Variants in INF2 observed in about 807,000 individuals in gnomAD.
The protein encoded by INF2 is inverted formin-2.
A neutral mutation model predicts 123.5 loss-of-function variants in INF2; 43 were observed. The ratio of observed to expected loss-of-function variants is 0.35; its 90% CI spans 0.27 to 0.45. The LOEUF (loss-of-function observed/expected upper bound fraction) is 0.45, where lower values mean the gene tolerates loss of function less well. INF2 is among the 20% of genes least tolerant of loss of function. The pLI is 1.00. For missense variants in INF2, 1,453 were observed against 1,682.7 expected, an observed-to-expected ratio of 0.86 and a Z score of 2.39; for synonymous variants, 851 against 745.0, an observed-to-expected ratio of 1.14 and a Z score of -2.32.
rs199612826 is a variant in INF2, at chr14:104,708,418, C to T, written c.1736-18C>T. 675 of 1,610,398 alleles carry T rather than the reference C, an allele frequency of 4.2e-4. 7 individuals are homozygous for T. In the Admixed American group the frequency reaches 5.2e-3, roughly 12 times the overall value. ...CCGGGGCTGCGAGAGCCTCACTGGC[C>T]GTGTCCCCACCCGACAGAGCACAAC... On this transcript the variant is annotated intron_variant, in intron 8 of 22. Transcript: ENST00000392634.
chr14:104,710,581 C>A (rs1426168656), intron 13 of INF2: 1 of 502,594 alleles, frequency 2.0e-6, no homozygotes, highest in Non-Finnish European at 3.6e-6. Context: ...CACACGTACA[C>A]ACCCCCCCAA....
At position 104,703,472 on chromosome 14, in the gene INF2, G is replaced by T; in HGVS notation, c.667+18G>T. 6.2e-7 allele frequency: 1 copy of T among 1,609,762 alleles called. No individual in the cohort carries two copies. ...GTTTATCGGTAAGCACCTGCCCTGG[G>T]CCGCATGCCCGCTCCTGCCCGCCTC... On this transcript the variant is annotated intron_variant, in intron 4 of 22. Transcript: ENST00000392634.
rs538278645 is a variant in INF2, at chr14:104,682,071, A to G, written c.-104+489A>G. ...AGCAGCCTGTGCGGCGGCATGGGAA[A>G]GACCCCAGTGCCTGGCGAGGAATTG... On this transcript the variant is annotated intron_variant, in intron 1 of 2. Coordinates refer to the INF2 transcript ENST00000674723. 4.6e-5 allele frequency among the ~76,000 whole-genome samples: 7 copies of G among 152,330 alleles called. No homozygotes were observed. In the East Asian group the frequency reaches 1.4e-3, roughly 29 times the overall value.
At chr14:104,708,386 C>T (rs577006285) in intron 8 of INF2, 50 bp from the exon 9 acceptor site, 2 of 1,601,010 alleles carry the variant, frequency 1.2e-6, no homozygotes, top group African/African-American at 2.7e-5. Context: ...TGCTGGATCG[C>T]CAGGCCCCGG....
In INF2 at chr14:104,710,265, C is replaced by T. The variant is rs1889982543; in HGVS notation, c.2239+77C>T. ...GGGGCGGGAGGGCTGCTCGGGGCCC[C>T]TGCTACTGCCAGTATCATAATGGCT... On this transcript the variant is annotated intron_variant, in intron 13 of 22. Coordinates refer to ENST00000392634, the MANE Select transcript of INF2 (RefSeq NM_022489.4). 1.5e-5 allele frequency: 15 copies of T among 1,011,602 alleles called. No individual in the cohort carries two copies. The East Asian group carries it at 2.4e-4, about 16-fold the overall frequency. 62.7% of individuals were successfully genotyped at this position (1,011,602 alleles called of 1,614,324 possible).
chr14:104,698,332 CA>C (rs1444590264), intron 1 of INF2, among the ~76,000 whole-genome samples: 6 of 152,346 alleles, frequency 3.9e-5, no homozygotes, highest in African/African-American at 1.4e-4. Context: ...AAGTGGACAC[CA>C]CCCCCCAGTG....
exon 1 of INF2, chr14:104,681,562 CA>C (rs1421265206): frequency 1.6e-6 from 2 of 1,288,914 alleles, no homozygotes; most frequent in Admixed American, 4.6e-5. Context: ...ATTTCCACTT[CA>C]ATTGGAAAAT....
intron 22 of INF2, among the ~76,000 whole-genome samples, chr14:104,718,365 C>A (rs997813470): frequency 6.6e-6 from 1 of 152,212 alleles, no homozygotes; most frequent in African/African-American, 2.4e-5. Flanking sequence ...GCTGAGCGCC[C>A]TCAGCAGCCC....
chr14:104,715,257 G>A (rs1286316397), intron 21 of INF2, 27 bp from the exon 22 acceptor site: 2 of 1,611,856 alleles, frequency 1.2e-6, no homozygotes, highest in Admixed American at 3.3e-5. Context: ...ATAAGCCGTT[G>A]AGTGCGTTTC....
At chr14:104,710,830 G>A in intron 13 of INF2, 107 bp from the exon 14 acceptor site, 1 of 930,636 alleles carries the variant, frequency 1.1e-6, no homozygotes, top group South Asian at 1.6e-5. Flanking sequence ...AGCCTGGGGA[G>A]GAGCCAGGGA....
chr14:104,685,234 C>A (rs1026261967), upstream of INF2, among the ~76,000 whole-genome samples: 1 of 152,204 alleles, frequency 6.6e-6, no homozygotes, highest in African/African-American at 2.4e-5. Context: ...CTTCTAAGAG[C>A]AGCAGCCTGG....
intron 21 of INF2, 70 bp downstream of exon 21, chr14:104,714,926 C>T (rs1890223324): frequency 7.1e-7 from 1 of 1,418,348 alleles, no homozygotes; most frequent in Non-Finnish European, 9.3e-7. Context: ...CCCTCCCCTT[C>T]CCCATTGGGC....
intron 8 of INF2, 127 bp downstream of exon 8, chr14:104,708,129 G>T: frequency 9.6e-6 from 14 of 1,459,818 alleles, no homozygotes; most frequent in Non-Finnish European, 1.3e-5. Flanking sequence ...GGGCAGCCTG[G>T]CCCTTGCTCT....
intron 22 of INF2, 126 bp downstream of exon 22, chr14:104,715,466 G>A (rs1890256107): frequency 1.1e-6 from 1 of 913,158 alleles, no homozygotes; most frequent in Non-Finnish European, 1.8e-6. Context: ...GTGCGTCAGT[G>A]TGGCCTTGCC....
intron 4 of INF2, 47 bp downstream of exon 4, chr14:104,703,501 G>C (rs758945278): frequency 2.9e-5 from 46 of 1,601,914 alleles, no homozygotes; most frequent in Middle Eastern, 2.1e-4. Flanking sequence ...CCGCCTCTTG[G>C]CCAGTGCATC....
rs1294746966 is a variant in INF2 at position 104,699,957 on chromosome 14, C to T, written c.-9-1400C>T. 2.6e-5 allele frequency among the ~76,000 whole-genome samples: 4 copies of T among 152,018 alleles called. No homozygotes were observed. The highest frequency in any genetic ancestry group is 6.5e-5 in the Admixed American group (1 of 15,276). Reference sequence around the variant, plus strand: ...ACAGGTGGAGGGCTGAGGGGCGGTGCGGGGAGTAGGGGCTGGACTGCCGGA... The same window carrying T: ...ACAGGTGGAGGGCTGAGGGGCGGTGTGGGGAGTAGGGGCTGGACTGCCGGA... On this transcript the variant is annotated intron_variant, in intron 1 of 22. Coordinates refer to ENST00000392634, the MANE Select transcript of INF2 (RefSeq NM_022489.4). The surrounding 1 kb of genome is among the most constrained non-coding windows in gnomAD (Gnocchi z 4.7).
In INF2 at chr14:104,714,187, G is replaced by A; in HGVS notation, c.3041-16G>A. The A allele has an allele frequency of 2.0e-6, 3 of 1,493,658 alleles. No individual in the cohort carries two copies. Among genetic ancestry groups the A allele is most frequent in the Non-Finnish European group, 2.7e-6 (3 of 1,122,470 alleles). 92.5% of individuals were successfully genotyped at this position (1,493,658 alleles called of 1,614,324 possible). A position where few individuals can be genotyped will look rare whatever the true frequency, so the allele number is the denominator to read the frequency against. On this transcript the variant is annotated splice_polypyrimidine_tract_variant and intron_variant, in intron 20 of 22. Coordinates refer to ENST00000392634, the MANE Select transcript of INF2 (RefSeq NM_022489.4). ...GGCAGGGTGCCTGCCCTTCACTGGT[G>A]TGTCCCTCCATCCAGTGGCCACCAG...
At chr14:104,694,033 G>A (rs1377109005) in intron 1 of INF2, among the ~76,000 whole-genome samples, 3 of 152,240 alleles carry the variant, frequency 2.0e-5, no homozygotes, top group Non-Finnish European at 4.4e-5. Context: ...GACACCCAGG[G>A]CCCCTGCCTA....
chr14:104,708,072 C>A (rs1357521521), intron 8 of INF2, 70 bp downstream of exon 8: 8 of 1,593,392 alleles, frequency 5.0e-6, no homozygotes, highest in Non-Finnish European at 6.8e-6. Context: ...GGGAGAGGGG[C>A]AGGTGGCACA....
Sources: allele counts gnomAD v4.1 joint callset (sites outside exome capture counted in the v4.1 genomes callset), GRCh38; gene constraint gnomAD v4.1.1; non-coding constraint Gnocchi (gnomAD v3.1); transcripts MANE v1.5; gene names NCBI Gene and HGNC (gene_info 2026-07-23, HGNC 2026-07-21).